The following SOX6 variants were observed in gnomAD, a reference collection of about 807,000 sequenced individuals.
SOX6 encodes transcription factor SOX-6.
SOX6 carries 11 observed loss-of-function variants against 97.8 expected under a neutral mutation model. The ratio of observed to expected loss-of-function variants is 0.11; its 90% CI spans 0.07 to 0.19. SOX6 has a LOEUF of 0.19. SOX6 is among the 10% of genes least tolerant of loss of function. The probability of loss-of-function intolerance (pLI) is 1.00; values close to 1 mark genes in which losing one functional copy is unlikely to be tolerated. For synonymous variants in SOX6, 360 were observed against 371.4 expected, an observed-to-expected ratio of 0.97 and a Z score of 0.35; for missense variants, 810 against 1,039.5, an observed-to-expected ratio of 0.78 and a Z score of 3.04.
At chr11:16,000,717 TGTGTGTGTGTGTGCGCGCGTGCGC>T (rs1361913582) in intron 13 of SOX6, among the ~76,000 whole-genome samples, 50 of 151,698 alleles carry the variant, frequency 3.3e-4, no homozygotes, top group Admixed American at 1.1e-3. Context: ...AGGATGACAG[TGTGTGTGTGTGTGCGCGCGTGCGC>T]GTGTGTGTGT....
chr11:16,391,908 C>T (rs1228761621), intron 1 of SOX6, among the ~76,000 whole-genome samples: 3 of 151,568 alleles, frequency 2.0e-5, no homozygotes, highest in Non-Finnish European at 4.4e-5. Flanking sequence ...CAGGTTTTGC[C>T]ATCCTCAATA....
intron 6 of SOX6, among the ~76,000 whole-genome samples, chr11:16,122,229 A>G (rs1849511440): frequency 6.6e-6 from 1 of 152,068 alleles, no homozygotes; most frequent in Non-Finnish European, 1.5e-5. Flanking sequence ...TTATGCAAAT[A>G]GTCACAGTTA....
At chr11:16,097,822 C>T (rs1348155333) in intron 7 of SOX6, 134 bp from the exon 8 acceptor site, 1 of 841,188 alleles carries the variant, frequency 1.2e-6, no homozygotes, top group African/African-American at 1.7e-5. Context: ...AAACAAAAGG[C>T]TTAGTTGGGC....
At chr11:16,125,155 T>C (rs1849578306) in intron 6 of SOX6, among the ~76,000 whole-genome samples, 1 of 152,072 alleles carries the variant, frequency 6.6e-6, no homozygotes, top group African/African-American at 2.4e-5. Flanking sequence ...CAAATACTTG[T>C]ACTCATTAAT....
intron 4 of SOX6, among the ~76,000 whole-genome samples, chr11:16,581,251 G>A (rs191062724): frequency 2.2e-4 from 34 of 152,234 alleles, no homozygotes; most frequent in African/African-American, 7.9e-4. Flanking sequence ...ATACACCATG[G>A]AATACTATGC....
At position 16,256,003 on chromosome 11, in the gene SOX6, A is replaced by G. The variant is rs185460556; in HGVS notation, c.446-21332T>C. On this transcript the variant is annotated intron_variant, in intron 3 of 15. Coordinates refer to ENST00000683767, the MANE Select transcript of SOX6 (RefSeq NM_001367873.1). ...AATTCCTTGAAAGATACAATCTGCA[A>G]CAATTCACACAAGAGAAACGACACA... 1.2e-4 allele frequency among the ~76,000 whole-genome samples: 19 copies of G among 152,192 alleles called. No homozygotes were observed. In the East Asian group the frequency reaches 3.3e-3, roughly 26 times the overall value.
chr11:16,601,227 T>G (rs1006245933), intron 4 of SOX6, among the ~76,000 whole-genome samples: 1 of 152,196 alleles, frequency 6.6e-6, no homozygotes, highest in African/African-American at 2.4e-5. Context: ...TGATTAATTT[T>G]TTAATGGTAA....
At chr11:16,502,797 T>C (rs952488392) in intron 4 of SOX6, among the ~76,000 whole-genome samples, 7 of 152,158 alleles carry the variant, frequency 4.6e-5, no homozygotes, top group African/African-American at 1.7e-4. Flanking sequence ...AGAAAACCTA[T>C]TTAACCAATT....
At chr11:16,076,434 GA>G (rs1771667965) in intron 9 of SOX6, among the ~76,000 whole-genome samples, 1 of 147,146 alleles carries the variant, frequency 6.8e-6, no homozygotes, top group Non-Finnish European at 1.5e-5. Flanking sequence ...CCCCAGTAAA[GA>G]GTGGGCAAAT....
At chr11:16,578,305 G>T (rs1848001999) in intron 4 of SOX6, among the ~76,000 whole-genome samples, 1 of 152,160 alleles carries the variant, frequency 6.6e-6, no homozygotes, top group African/African-American at 2.4e-5. Flanking sequence ...TTGAAAAGAA[G>T]ATTTCAGAAT....
intron 3 of SOX6, among the ~76,000 whole-genome samples, chr11:16,661,011 T>A (rs1006409494): frequency 9.2e-5 from 14 of 152,378 alleles, no homozygotes; most frequent in Admixed American, 3.9e-4. Context: ...GCTAATTTTC[T>A]AACTGCTGAA....
intron 3 of SOX6, among the ~76,000 whole-genome samples, chr11:16,635,975 G>A (rs1045479537): frequency 1.3e-5 from 2 of 152,234 alleles, no homozygotes; most frequent in Non-Finnish European, 2.9e-5. Flanking sequence ...TGGTCCTGGG[G>A]TGGAGCCCTC....
intron 3 of SOX6, among the ~76,000 whole-genome samples, chr11:16,636,244 G>C (rs147808799): frequency 6.6e-6 from 1 of 152,216 alleles, no homozygotes; most frequent in Admixed American, 6.5e-5. Context: ...GGTCATGGAA[G>C]TCCACCTCTT....
intron 3 of SOX6, among the ~76,000 whole-genome samples, chr11:16,640,446 C>G (rs1032071293): frequency 2.6e-5 from 4 of 152,138 alleles, no homozygotes; most frequent in African/African-American, 9.7e-5. Flanking sequence ...GGGAGGATTC[C>G]CTCTTTTTCT....
chr11:16,121,773 T>C (rs575451427), intron 6 of SOX6, among the ~76,000 whole-genome samples: 11 of 152,136 alleles, frequency 7.2e-5, no homozygotes, highest in African/African-American at 2.4e-4. Context: ...TATCTTACTA[T>C]GTTTTAAGAA....
chr11:16,277,162 C>A (rs368453099), intron 3 of SOX6, among the ~76,000 whole-genome samples: 1 of 152,100 alleles, frequency 6.6e-6, no homozygotes, highest in African/African-American at 2.4e-5. Context: ...AATTCATATG[C>A]TGAAGCCCTA....
At chr11:16,041,136 G>T (rs1855650854) in intron 12 of SOX6, among the ~76,000 whole-genome samples, 1 of 152,018 alleles carries the variant, frequency 6.6e-6, no homozygotes, top group African/African-American at 2.4e-5. Context: ...GATTAATTAG[G>T]ACTATATATG....
chr11:16,157,039 T>A (rs1349890650), intron 6 of SOX6, among the ~76,000 whole-genome samples: 2 of 152,042 alleles, frequency 1.3e-5, no homozygotes, highest in Non-Finnish European at 2.9e-5. Flanking sequence ...ATTTGTGTAA[T>A]TAAATAAACA....
At chr11:16,340,249 G>A (rs1439357319) in intron 2 of SOX6, among the ~76,000 whole-genome samples, 2 of 151,990 alleles carry the variant, frequency 1.3e-5, no homozygotes, top group Non-Finnish European at 2.9e-5. Context: ...ATTAAGAAAT[G>A]CAAAATGGGG....
Sources: allele counts gnomAD v4.1 joint callset (sites outside exome capture counted in the v4.1 genomes callset), GRCh38; gene constraint gnomAD v4.1.1; transcripts MANE v1.5; gene names NCBI Gene and HGNC (gene_info 2026-07-23, HGNC 2026-07-21).